The following KIRREL3 variants were observed in gnomAD, a reference collection of about 807,000 sequenced individuals.
KIRREL3 encodes kirre like nephrin family adhesion molecule 3.
A neutral mutation model predicts 89.7 loss-of-function variants in KIRREL3; 36 were observed. That is an observed-to-expected ratio of 0.40 (90% CI 0.31 to 0.53). The LOEUF (loss-of-function observed/expected upper bound fraction) is 0.53, where lower values mean the gene tolerates loss of function less well. Ranked by LOEUF, KIRREL3 falls within the 20% of genes least tolerant of loss-of-function variation. The probability of loss-of-function intolerance (pLI) is 0.49; values close to 1 mark genes in which losing one functional copy is unlikely to be tolerated. For synonymous variants in KIRREL3, 445 were observed against 441.4 expected, an observed-to-expected ratio of 1.01 and a Z score of -0.10; for missense variants, 864 against 1,056.6, an observed-to-expected ratio of 0.82 and a Z score of 2.53.
At chr11:126,992,910 T>A (rs1032344317) in intron 1 of KIRREL3, among the ~76,000 whole-genome samples, 1 of 152,182 alleles carries the variant, frequency 6.6e-6, no homozygotes, top group Non-Finnish European at 1.5e-5. Flanking sequence ...TCTTTTTTCT[T>A]CTCTTCCACA....
rs2010222 is a variant in KIRREL3 at position 126,462,660 on chromosome 11, T to A, written c.742+497A>T. Among the ~76,000 whole-genome samples the A allele has an allele frequency of 0.16, 23,924 of 152,112 alleles. 2,534 individuals carry two copies. The highest frequency in any genetic ancestry group is 0.39 in the East Asian group (1,999 of 5,164). On this transcript the variant is annotated intron_variant, in intron 6 of 16. Coordinates refer to ENST00000525144, the MANE Select transcript of KIRREL3 (RefSeq NM_032531.4). This position sits in a 1 kb window ranked among gnomAD's most constrained non-coding sequence, Gnocchi z 4.8. Reference sequence around the variant, plus strand: ...CAGCCTGGGCAACAGAGTGAGACTCTGTCTCGAAAGAATAAAAAAAAGATT... The same window carrying A: ...CAGCCTGGGCAACAGAGTGAGACTCAGTCTCGAAAGAATAAAAAAAAGATT...
chr11:126,820,854 G>A lies in KIRREL3; in HGVS notation c.55+179601C>T, dbSNP rs368326636. Among the ~76,000 whole-genome samples the A allele has an allele frequency of 6.6e-5, 10 of 152,136 alleles. No individual in the cohort carries two copies. The East Asian group carries it at 9.7e-4, about 15-fold the overall frequency. On this transcript the variant is annotated intron_variant, in intron 1 of 16. Transcript: ENST00000525144. ...TACTTATCCCCCTTTTCCAGGTGTG[G>A]AAACTATGGGTAAGAGACATTGACA...
chr11:126,868,016 C>T (rs999598260), intron 1 of KIRREL3, among the ~76,000 whole-genome samples: 1 of 131,424 alleles, frequency 7.6e-6, no homozygotes, highest in African/African-American at 3.0e-5. Context: ...TCTCTCTTCC[C>T]ATTATGGAAA....
intron 1 of KIRREL3, among the ~76,000 whole-genome samples, chr11:126,600,835 C>G (rs1333486544): frequency 6.6e-6 from 1 of 152,182 alleles, no homozygotes; most frequent in African/African-American, 2.4e-5. Context: ...CTTAAACTTT[C>G]CTCCTCTGGG....
Position 126,424,791 on chromosome 11 carries a change from C to A in KIRREL3, c.2126G>T (p.Arg709Leu). The change falls in exon 17 of 17, where the codon CGG (arginine) becomes CTG (leucine). Residue 709 changes from arginine to leucine, a missense_variant. Coordinates refer to ENST00000525144, the MANE Select transcript of KIRREL3 (RefSeq NM_032531.4). Reference sequence around the variant, plus strand: ...GCTGAGGGAGCCTCTCTGGAACTCCCGCTCACAAAGCTCGATGGACGAGCT... The same window carrying A: ...GCTGAGGGAGCCTCTCTGGAACTCCAGCTCACAAAGCTCGATGGACGAGCT... ...MGSSSIELCE[R>L]EFQRGSLSDS... The A allele has an allele frequency of 6.2e-7, 1 of 1,614,056 alleles. No homozygotes were observed. Among genetic ancestry groups the A allele is most frequent in the Non-Finnish European group, 8.5e-7 (1 of 1,179,898 alleles).
chr11:126,649,403 C>T (rs923814711), intron 1 of KIRREL3, among the ~76,000 whole-genome samples: 10 of 152,214 alleles, frequency 6.6e-5, no homozygotes, highest in Non-Finnish European at 1.2e-4. Flanking sequence ...AGGCAAATCC[C>T]TTCTACCTAT....
intron 1 of KIRREL3, among the ~76,000 whole-genome samples, chr11:126,947,504 C>T (rs1032371966): frequency 1.3e-5 from 2 of 152,184 alleles, no homozygotes; most frequent in African/African-American, 4.8e-5. Context: ...CTGGACAGCC[C>T]CTTCCTATCT....
intron 1 of KIRREL3, among the ~76,000 whole-genome samples, chr11:126,730,780 C>T (rs1948586715): frequency 6.6e-6 from 1 of 152,016 alleles, no homozygotes; most frequent in Admixed American, 6.5e-5. Context: ...GCTCTGTCAC[C>T]CAGGCTGGAG....
Position 126,999,435 on chromosome 11 carries a change from C to T in KIRREL3, c.55+1020G>A, listed in dbSNP as rs188014672. On this transcript the variant is annotated intron_variant, in intron 1 of 16. Transcript: ENST00000525144. The surrounding 1 kb of genome is among the most constrained non-coding windows in gnomAD (Gnocchi z 5.7). The stretch of plus-strand genomic sequence containing the variant: ...CACCCATGGCAGTGCTTTGCTTTCT[C>T]GAAAACTTTTACCCTTCATTTAATC... Among the ~76,000 whole-genome samples, 14 of 152,308 alleles carry T rather than the reference C, an allele frequency of 9.2e-5. No homozygotes were observed. The highest frequency in any genetic ancestry group is 6.5e-4 in the Admixed American group (10 of 15,306).
In KIRREL3 at chr11:126,755,206, C is replaced by A. The variant is rs1250282030; in HGVS notation, c.56-192294G>T. On this transcript the variant is annotated intron_variant, in intron 1 of 16. Coordinates refer to ENST00000525144, the MANE Select transcript of KIRREL3 (RefSeq NM_032531.4). This position sits in a 1 kb window ranked among gnomAD's most constrained non-coding sequence, Gnocchi z 4.3. ...GCCCAAAGGTAGGGCATTAAGTAAC[C>A]AGAGGGAAAAAAATGTATTCCCATC... Among the ~76,000 whole-genome samples, 1 of 152,050 alleles carries A rather than the reference C, an allele frequency of 6.6e-6. No individual in the cohort carries two copies. The highest frequency in any genetic ancestry group is 1.5e-5 in the Non-Finnish European group (1 of 67,982).
chr11:126,624,357 A>C lies in KIRREL3; in HGVS notation c.56-61445T>G, dbSNP rs370499735. The stretch of plus-strand genomic sequence containing the variant: ...AGGAAAAAACAAAACAAAACAAAAC[A>C]AAACCTGAGGTATTTCTTAGAACAC... On this transcript the variant is annotated intron_variant, in intron 1 of 16. Transcript: ENST00000525144. This position sits in a 1 kb window ranked among gnomAD's most constrained non-coding sequence, Gnocchi z 6.0. Among the ~76,000 whole-genome samples, 130 of 152,318 alleles carry C rather than the reference A, an allele frequency of 8.5e-4. No homozygotes were observed. Among genetic ancestry groups the C allele is most frequent in the Middle Eastern group, 3.4e-3 (1 of 294 alleles).
At chr11:126,444,935 T>G in intron 10 of KIRREL3, 44 bp downstream of exon 10, 1 of 1,609,220 alleles carries the variant, frequency 6.2e-7, no homozygotes, top group Non-Finnish European at 8.5e-7. Flanking sequence ...CCTGAGGTCC[T>G]TCTTCCCTCC....
intron 1 of KIRREL3, among the ~76,000 whole-genome samples, chr11:126,727,490 T>C (rs1026817464): frequency 1.8e-4 from 27 of 152,206 alleles, no homozygotes; most frequent in Non-Finnish European, 4.0e-4. Context: ...TTGGTGTCCA[T>C]GGTAAGTCTG....
chr11:126,616,756 C>T (rs1227782621), intron 1 of KIRREL3, among the ~76,000 whole-genome samples: 1 of 152,182 alleles, frequency 6.6e-6, no homozygotes, highest in African/African-American at 2.4e-5. Flanking sequence ...ATCCTCGAGC[C>T]TTAGCCTCCC....
At position 126,694,698 on chromosome 11, in the gene KIRREL3, A is replaced by T. The variant is rs958688743; in HGVS notation, c.56-131786T>A. Among the ~76,000 whole-genome samples, 3 of 151,990 alleles carry T rather than the reference A, an allele frequency of 2.0e-5. No homozygotes were observed. Among genetic ancestry groups the T allele is most frequent in the East Asian group, 1.9e-4 (1 of 5,194 alleles). On this transcript the variant is annotated intron_variant, in intron 1 of 16. Transcript: ENST00000525144. The surrounding 1 kb of genome is among the most constrained non-coding windows in gnomAD (Gnocchi z 4.4). The stretch of plus-strand genomic sequence containing the variant: ...CTGACTTCTATGAGCCACCTTTTTT[A>T]AAAAAAATTCTCTACAGAGAGGTGA...
In KIRREL3 at chr11:126,645,195, C is replaced by A. The variant is rs1944619676; in HGVS notation, c.56-82283G>T. 6.6e-6 allele frequency among the ~76,000 whole-genome samples: 1 copy of A among 152,194 alleles called. No individual in the cohort carries two copies. Among genetic ancestry groups the A allele is most frequent in the Admixed American group, 6.5e-5 (1 of 15,282 alleles). On this transcript the variant is annotated intron_variant, in intron 1 of 16. Coordinates refer to ENST00000525144, the MANE Select transcript of KIRREL3 (RefSeq NM_032531.4). The surrounding 1 kb of genome is among the most constrained non-coding windows in gnomAD (Gnocchi z 4.9). ...AGTGGGACCAGAAAGTGAAGGGATG[C>A]AGACTGACATCGTAACAATTCAAAT...
chr11:126,512,541 G>A (rs1471604993), intron 4 of KIRREL3, among the ~76,000 whole-genome samples: 1 of 152,148 alleles, frequency 6.6e-6, no homozygotes, highest in East Asian at 1.9e-4. Context: ...GGGGTAAGTG[G>A]GTGAGGGGCC....
At chr11:126,762,096 A>C (rs1336048533) in intron 1 of KIRREL3, among the ~76,000 whole-genome samples, 1 of 152,046 alleles carries the variant, frequency 6.6e-6, no homozygotes, top group Non-Finnish European at 1.5e-5. Flanking sequence ...GAATCACGGA[A>C]CCCTGGAGGC....
chr11:126,536,845 A>T (rs1937933718), intron 2 of KIRREL3, among the ~76,000 whole-genome samples: 1 of 152,046 alleles, frequency 6.6e-6, no homozygotes, highest in Admixed American at 6.6e-5. Flanking sequence ...GGGTTTCACC[A>T]AGTTGACCAG....
Sources: gnomAD v4.1 joint callset for allele counts (sites outside exome capture counted in the v4.1 genomes callset) on GRCh38, gnomAD v4.1.1 for gene constraint, Gnocchi (gnomAD v3.1) non-coding constraint, MANE v1.5 for transcripts, NCBI Gene and HGNC (gene_info 2026-07-23, HGNC 2026-07-21) for gene names.